The following BRAP variants were observed in gnomAD, a reference collection of about 807,000 sequenced individuals.
BRAP encodes BRCA1-associated protein.
Under a neutral mutation model 73.4 loss-of-function variants are expected in BRAP, and 42 were observed. That is an observed-to-expected ratio of 0.57 (90% CI 0.45 to 0.74). BRAP has a LOEUF of 0.74. Among genes scored for constraint, BRAP ranks in the 30% least tolerant of loss-of-function variants. BRAP has a pLI of 0.00. For synonymous variants in BRAP, 255 were observed against 267.4 expected (o/e 0.95, Z 0.45); for missense variants, 593 against 751.4 (o/e 0.79, Z 2.46).
At chr12:111,683,934 C>T (rs1049335553) in intron 1 of BRAP, among the ~76,000 whole-genome samples, 1 of 152,076 alleles carries the variant, frequency 6.6e-6, no homozygotes, top group Non-Finnish European at 1.5e-5. Flanking sequence ...ATTTTAGTAA[C>T]ACCTGATAAA....
chr12:111,682,245 G>A (rs978085420), intron 2 of BRAP, among the ~76,000 whole-genome samples: 2 of 152,134 alleles, frequency 1.3e-5, no homozygotes, highest in African/African-American at 4.8e-5. Flanking sequence ...TGGCTGGCCG[G>A]GTGCAGTGGC....
chr12:111,643,243 T>A lies in BRAP; in HGVS notation c.*956A>T, dbSNP rs528207759. The A allele has an allele frequency of 3.3e-5, 5 of 152,322 alleles. No individual in the cohort carries two copies. The highest frequency in any genetic ancestry group is 1.2e-4 in the African/African-American group (5 of 41,584). 9.4% of individuals were successfully genotyped at this position (152,322 alleles called of 1,614,324 possible). Reference sequence around the variant, plus strand: ...AGCTTTTGGTTATATCTTGAAAGCGTAATTGAAAATCTGCCCAAGCTCCCT... The same window carrying A: ...AGCTTTTGGTTATATCTTGAAAGCGAAATTGAAAATCTGCCCAAGCTCCCT... On this transcript the variant is annotated 3_prime_UTR_variant, in exon 12 of 12. Coordinates refer to ENST00000419234, the MANE Select transcript of BRAP (RefSeq NM_006768.5).
chr12:111,675,209 C>T (rs945807943), intron 4 of BRAP, among the ~76,000 whole-genome samples: 6 of 151,328 alleles, frequency 4.0e-5, no homozygotes, highest in Admixed American at 3.3e-4. Context: ...TGCAGTGAGC[C>T]GAGATCGTGC....
Position 111,655,598 on chromosome 12 carries a change from T to C in BRAP, c.1279A>G (p.Ile427Val). The C allele has an allele frequency of 6.2e-7, 1 of 1,613,802 alleles. No homozygotes were observed. The highest frequency in any genetic ancestry group is 1.1e-5 in the South Asian group (1 of 91,082). Residue 427 changes from isoleucine (I) to valine (V), a missense_variant, in exon 10 of 12, where the codon ATA (isoleucine) becomes GTA (valine). Physicochemically the swap from Ile to Val is conservative, Grantham distance 29. Around this residue, in one of 4 missense-constraint regions of BRAP, gnomAD observed 143 missense variants for 190.4 expected, o/e 0.75. Coordinates refer to ENST00000419234, the MANE Select transcript of BRAP (RefSeq NM_006768.5). ...GCTGTGTCCTTCTCTATCCGAACTATCTTGTTTTCCCAGTAGATTCGCTGA... is the reference window on the plus strand; with the variant it reads ...GCTGTGTCCTTCTCTATCCGAACTACCTTGTTTTCCCAGTAGATTCGCTGA... ...ESQRIYWENKIVRIEKDTAEE... is the reference protein window; with the variant it reads ...ESQRIYWENKVVRIEKDTAEE...
In BRAP at chr12:111,675,941, T is replaced by A. The variant is rs1887362668; in HGVS notation, c.634-3167A>T. 2.6e-5 allele frequency among the ~76,000 whole-genome samples: 4 copies of A among 152,142 alleles called. No individual in the cohort carries two copies. In the South Asian group the frequency reaches 6.2e-4, roughly 24 times the overall value. On this transcript the variant is annotated intron_variant, in intron 4 of 11. Transcript: ENST00000419234. Reference sequence around the variant, plus strand: ...ACAACAAAATTGAACTTCCTTCTGCTTTTCCTATGTCCTGAAGAACTGTAA... The same window carrying A: ...ACAACAAAATTGAACTTCCTTCTGCATTTCCTATGTCCTGAAGAACTGTAA...
At chr12:111,672,954 T>C (rs1435387928) in intron 4 of BRAP, 180 bp from the exon 5 acceptor site, 11 of 548,170 alleles carry the variant, frequency 2.0e-5, no homozygotes. Context: ...TCACACTCTG[T>C]AAGTCAATAT....
chr12:111,650,404 T>C (rs1309567308), intron 10 of BRAP, among the ~76,000 whole-genome samples: 3 of 152,214 alleles, frequency 2.0e-5, no homozygotes, highest in Non-Finnish European at 4.4e-5. Context: ...TAGCTGGGAC[T>C]ACAGGTGCCT....
At chr12:111,678,817 A>T (rs1414613890) in intron 4 of BRAP, among the ~76,000 whole-genome samples, 1 of 149,936 alleles carries the variant, frequency 6.7e-6, no homozygotes, top group Non-Finnish European at 1.5e-5. Context: ...AATCTGATCT[A>T]TAAAAAATCA....
intron 10 of BRAP, 147 bp from the exon 11 acceptor site, chr12:111,650,189 C>T (rs890756872): frequency 4.1e-5 from 19 of 459,946 alleles, no homozygotes; most frequent in Middle Eastern, 3.3e-4. Context: ...AGTTTCCAGG[C>T]AGGGGAAAAA....
At chr12:111,678,358 T>TA (rs1183910770) in intron 4 of BRAP, among the ~76,000 whole-genome samples, 1 of 150,996 alleles carries the variant, frequency 6.6e-6, no homozygotes, top group East Asian at 2.0e-4. Context: ...TAGTTACCGC[T>TA]TGTTTAAAAA....
intron 4 of BRAP, among the ~76,000 whole-genome samples, chr12:111,676,541 G>C (rs970468496): frequency 1.3e-5 from 2 of 152,180 alleles, no homozygotes; most frequent in Admixed American, 1.3e-4. Flanking sequence ...AGCCTTTCAA[G>C]TGGCTGAGAT....
intron 9 of BRAP, among the ~76,000 whole-genome samples, chr12:111,655,985 A>C (rs1482368633): frequency 6.6e-6 from 1 of 152,126 alleles, no homozygotes; most frequent in Non-Finnish European, 1.5e-5. Flanking sequence ...TGACCCCATG[A>C]AGCAGTCCTG....
Position 111,666,859 on chromosome 12 carries a change from G to A in BRAP, c.748-1072C>T, listed in dbSNP as rs563667247. Among the ~76,000 whole-genome samples, 7 of 152,310 alleles carry A rather than the reference G, an allele frequency of 4.6e-5. No homozygotes were observed. The South Asian group carries it at 1.5e-3, about 32-fold the overall frequency. ...AAGAAGCCACGTTCATTTAAGAAAG[G>A]AATCTCTAAAACTGAGGCCTCGTGC... On this transcript the variant is annotated intron_variant, in intron 5 of 11. Transcript: ENST00000419234.
chr12:111,648,875 G>A (rs932861542), intron 11 of BRAP, among the ~76,000 whole-genome samples: 3 of 150,306 alleles, frequency 2.0e-5, no homozygotes, highest in African/African-American at 4.9e-5. Flanking sequence ...GCAGTGAGCC[G>A]AGATCGCGCC....
intron 5 of BRAP, among the ~76,000 whole-genome samples, chr12:111,667,858 T>G (rs1423942445): frequency 6.6e-6 from 1 of 152,032 alleles, no homozygotes; most frequent in Non-Finnish European, 1.5e-5. Flanking sequence ...AAATGTGCTT[T>G]TTGAGAGGCC....
At chr12:111,675,892 A>T (rs1020639073) in intron 4 of BRAP, among the ~76,000 whole-genome samples, 1 of 152,158 alleles carries the variant, frequency 6.6e-6, no homozygotes, top group East Asian at 1.9e-4. Flanking sequence ...TTAAGTGGTC[A>T]TCTGTCCTTT....
At chr12:111,653,185 T>A (rs991971845) in intron 10 of BRAP, among the ~76,000 whole-genome samples, 3 of 152,070 alleles carry the variant, frequency 2.0e-5, no homozygotes, top group Non-Finnish European at 2.9e-5. Flanking sequence ...GGCAACAGAG[T>A]GAGATCTTAT....
chr12:111,654,095 A>T (rs780083512), intron 10 of BRAP, among the ~76,000 whole-genome samples: 6 of 152,160 alleles, frequency 3.9e-5, no homozygotes, highest in Non-Finnish European at 7.3e-5. Context: ...CTGCCAATGC[A>T]CTTCCCGTGA....
At chr12:111,658,539 G>C (rs1886618170) in intron 9 of BRAP, among the ~76,000 whole-genome samples, 197 bp downstream of exon 9, 1 of 151,878 alleles carries the variant, frequency 6.6e-6, no homozygotes, top group Admixed American at 6.6e-5. Context: ...AGCCAGGCTG[G>C]TCTTGAACTC....
Sources: allele counts gnomAD v4.1 joint callset (sites outside exome capture counted in the v4.1 genomes callset), GRCh38; gene constraint gnomAD v4.1.1; regional missense constraint gnomAD v4.1.1; transcripts MANE v1.5; gene names NCBI Gene and HGNC (gene_info 2026-07-23, HGNC 2026-07-21).